Variants in WARS2 observed in about 807,000 individuals in gnomAD.
WARS2 encodes tryptophanyl tRNA synthetase 2, mitochondrial.
In WARS2, 28 loss-of-function variants were observed where a neutral mutation model predicts 36.5. The observed-to-expected ratio is 0.77, with a 90% CI of 0.57 to 1.05. The LOEUF (loss-of-function observed/expected upper bound fraction) is 1.05. Ranked by LOEUF, WARS2 falls within the 50% of genes least tolerant of loss-of-function variation. The pLI, the probability that WARS2 is intolerant of heterozygous loss-of-function variation, is 0.00. For missense variants in WARS2, 435 were observed against 456.8 expected (o/e 0.95, Z 0.44); for synonymous variants, 174 against 178.4 (o/e 0.98, Z 0.20).
At chr1:119,113,039 G>A (rs1357125220) in intron 1 of WARS2, among the ~76,000 whole-genome samples, 7 of 152,194 alleles carry the variant, frequency 4.6e-5, no homozygotes, top group African/African-American at 1.7e-4. Context: ...TTGAAACATA[G>A]TTGACTAAGT....
At chr1:119,064,712 CT>C in intron 2 of WARS2, 1 of 157,876 alleles carries the variant, frequency 6.3e-6, no homozygotes, top group Non-Finnish European at 1.4e-5. Context: ...TAAGAAGTGC[CT>C]TTAACCTCCC....
At chr1:119,125,094 T>C (rs1250595146) in intron 1 of WARS2, among the ~76,000 whole-genome samples, 1 of 152,212 alleles carries the variant, frequency 6.6e-6, no homozygotes, top group Admixed American at 6.5e-5. Flanking sequence ...GTAAGTGCTA[T>C]ATAGTATTTG....
chr1:119,121,800 C>A (rs970467381), intron 1 of WARS2, among the ~76,000 whole-genome samples: 1 of 152,068 alleles, frequency 6.6e-6, no homozygotes, highest in African/African-American at 2.4e-5. Context: ...GGAAAGGACA[C>A]CCTATTCAAC....
rs1656388256 is a variant in WARS2, at chr1:119,135,047, T to C, written c.90+5508A>G. On this transcript the variant is annotated intron_variant, in intron 1 of 5. Transcript: ENST00000235521. ...AGAAAAGGAAAGAAAGTTGTTTGACTGCTATTATCTCATGTACTCTTATGT... is the reference window on the plus strand; with the variant it reads ...AGAAAAGGAAAGAAAGTTGTTTGACCGCTATTATCTCATGTACTCTTATGT... Among the ~76,000 whole-genome samples, 3 of 152,226 alleles carry C rather than the reference T, an allele frequency of 2.0e-5. No homozygotes were observed. In the South Asian group the frequency reaches 6.2e-4, roughly 32 times the overall value.
Position 119,033,164 on chromosome 1 carries a change from G to A in WARS2, c.830C>T (p.Ala277Val), listed in dbSNP as rs753141532. Reference sequence around the variant, plus strand: ...GAGCCCCGTCACCGCGGCATGCACCGCCACTATGTTGGACACGCCAGCGCG... The same window carrying A: ...GAGCCCCGTCACCGCGGCATGCACCACCACTATGTTGGACACGCCAGCGCG... ...AGRAGVSNIVAVHAAVTGLSV... is the reference protein window; with the variant it reads ...AGRAGVSNIVVVHAAVTGLSV... The change falls in exon 6 of 6, where the codon GCG becomes GTG. Residue 277 changes from alanine to valine, a missense_variant. Ala to Val is a moderately conservative substitution (Grantham distance 64). Transcript: ENST00000235521. 9 of 1,614,118 alleles carry A rather than the reference G, an allele frequency of 5.6e-6. No homozygotes were observed. Among genetic ancestry groups the A allele is most frequent in the East Asian group, 2.2e-5 (1 of 44,884 alleles).
In WARS2 at chr1:119,140,477, GAAAT is replaced by G. The variant is rs999392441; in HGVS notation, c.90+74_90+77del. ...ACTTTCCCTAAGAAGCGGGAGGAGA[GAAAT>G]AAATAGAGGGCAGTGGGATGAGAAG... On this transcript the variant is annotated intron_variant, in intron 1 of 5. Transcript: ENST00000235521. 62 of 1,358,470 alleles carry G rather than the reference GAAAT, an allele frequency of 4.6e-5. No individual in the cohort carries two copies. In the Admixed American group the frequency reaches 6.5e-4, roughly 14 times the overall value. 84.2% of individuals were successfully genotyped at this position (1,358,470 alleles called of 1,614,324 possible).
chr1:119,059,825 T>C (rs1202928961), intron 2 of WARS2, among the ~76,000 whole-genome samples: 5 of 152,150 alleles, frequency 3.3e-5, no homozygotes, highest in Admixed American at 3.3e-4. Context: ...CTTAGCAAAC[T>C]AACACAGGAA....
chr1:119,135,840 A>G (rs780369845), intron 1 of WARS2, among the ~76,000 whole-genome samples: 1 of 152,080 alleles, frequency 6.6e-6, no homozygotes, highest in Non-Finnish European at 1.5e-5. Flanking sequence ...TAGTGGCACA[A>G]TCGCTGCTCA....
At chr1:119,126,133 T>C (rs587703935) in intron 1 of WARS2, among the ~76,000 whole-genome samples, 21 of 152,250 alleles carry the variant, frequency 1.4e-4, no homozygotes, top group African/African-American at 4.3e-4. Flanking sequence ...TGGTCATCAC[T>C]TGGACTATGT....
At chr1:119,045,702 G>T in intron 2 of WARS2, 40 bp from the exon 3 acceptor site, 1 of 1,495,098 alleles carries the variant, frequency 6.7e-7, no homozygotes, top group Non-Finnish European at 9.2e-7. Flanking sequence ...GGTGGCCAGT[G>T]TTTTCTTGCA....
intron 1 of WARS2, among the ~76,000 whole-genome samples, chr1:119,083,892 TACTA>T (rs756716560): frequency 3.2e-4 from 48 of 152,200 alleles, no homozygotes; most frequent in Non-Finnish European, 6.0e-4. Flanking sequence ...TGCCATAACA[TACTA>T]ACTAACACAG....
chr1:119,063,285 T>G (rs1305321234), intron 2 of WARS2: 1 of 152,632 alleles, frequency 6.6e-6, no homozygotes, highest in Non-Finnish European at 1.5e-5. Flanking sequence ...AGCAAAGCAT[T>G]CAAAAGGTGA....
intron 1 of WARS2, chr1:119,140,077 C>G (rs1222092420): frequency 6.5e-6 from 1 of 154,118 alleles, no homozygotes; most frequent in Non-Finnish European, 1.4e-5. Flanking sequence ...CTGACACTTG[C>G]TCAAGTACCA....
chr1:119,127,017 TA>T, intron 1 of WARS2: 1 of 748,904 alleles, frequency 1.3e-6, no homozygotes, highest in Non-Finnish European at 2.4e-6. Flanking sequence ...GTTTTTGCCC[TA>T]AACATCTTCA....
intron 1 of WARS2, among the ~76,000 whole-genome samples, chr1:119,079,943 T>C (rs1454748055): frequency 2.6e-5 from 4 of 152,132 alleles, no homozygotes; most frequent in Admixed American, 1.3e-4. Context: ...AGAAACAATA[T>C]TTTTAAAATA....
chr1:119,041,206 G>A (rs1648326894), intron 4 of WARS2, among the ~76,000 whole-genome samples: 1 of 152,180 alleles, frequency 6.6e-6, no homozygotes, highest in Non-Finnish European at 1.5e-5. Context: ...CAGCTTTAGG[G>A]GAAAGGGATG....
At position 119,127,586 on chromosome 1, in the gene WARS2, A is replaced by C. The variant is rs1268596354; in HGVS notation, c.90+12969T>G. Among the ~76,000 whole-genome samples the C allele has an allele frequency of 1.3e-5, 2 of 152,200 alleles. 1 individual carries two copies. On this transcript the variant is annotated intron_variant, in intron 1 of 5. Coordinates refer to ENST00000235521, the MANE Select transcript of WARS2 (RefSeq NM_015836.4). The stretch of plus-strand genomic sequence containing the variant: ...TGCAAGGAGACAAATTGCAGAACCC[A>C]TATACAAACCCACTAACCTATACCA...
intron 1 of WARS2, among the ~76,000 whole-genome samples, chr1:119,081,975 T>C (rs1332943141): frequency 1.3e-5 from 2 of 152,210 alleles, no homozygotes; most frequent in African/African-American, 2.4e-5. Flanking sequence ...GGGTTCATCA[T>C]TTCTAAGCAT....
chr1:119,097,985 T>C (rs1264405050), intron 1 of WARS2, among the ~76,000 whole-genome samples: 1 of 152,002 alleles, frequency 6.6e-6, no homozygotes, highest in Non-Finnish European at 1.5e-5. Context: ...CCTACAACTA[T>C]CAGAACAGTA....
Sources: allele counts gnomAD v4.1 joint callset (sites outside exome capture counted in the v4.1 genomes callset), GRCh38; gene constraint gnomAD v4.1.1; transcripts MANE v1.5; gene names NCBI Gene and HGNC (gene_info 2026-07-23, HGNC 2026-07-21).